LINGO2: variants seen among roughly 807,000 people sequenced by gnomAD.
The protein encoded by LINGO2 is leucine rich repeat and Ig domain containing 2.
LINGO2 carries 14 observed loss-of-function variants against 30.6 expected under a neutral mutation model. That is an observed-to-expected ratio of 0.46 (90% CI 0.30 to 0.72). The LOEUF (loss-of-function observed/expected upper bound fraction) is 0.72, where lower values mean the gene tolerates loss of function less well. LINGO2 is among the 30% of genes least tolerant of loss of function. LINGO2 has a pLI of 0.07. For missense variants in LINGO2, 729 were observed against 751.7 expected (o/e 0.97, Z 0.35); for synonymous variants, 317 against 288.5 (o/e 1.10, Z -1.00).
intron 1 of LINGO2, among the ~76,000 whole-genome samples, chr9:28,615,629 A>G (rs960117623): frequency 5.9e-5 from 9 of 152,210 alleles, no homozygotes; most frequent in African/African-American, 2.2e-4. Flanking sequence ...GATTTATAAA[A>G]TACATATGAA....
the LINGO2 span, among the ~76,000 whole-genome samples, chr9:28,765,506 T>C: frequency 2.0e-5 from 3 of 152,044 alleles, no homozygotes; most frequent in African/African-American, 4.8e-5. Flanking sequence ...ATGAATAGAT[T>C]AATGCCCTCC....
At chr9:28,008,375 G>A (rs1043305907) in intron 5 of LINGO2, among the ~76,000 whole-genome samples, 2 of 151,824 alleles carry the variant, frequency 1.3e-5, no homozygotes, top group African/African-American at 4.8e-5. Flanking sequence ...AACCAGAAAG[G>A]TACAGCTGTA....
the LINGO2 span, among the ~76,000 whole-genome samples, chr9:28,948,627 T>C: frequency 1.3e-5 from 2 of 152,076 alleles, no homozygotes; most frequent in Admixed American, 1.3e-4. Flanking sequence ...GAAATCACAT[T>C]TATTTGCCAG....
At chr9:28,043,302 T>G (rs557997401) in intron 4 of LINGO2, among the ~76,000 whole-genome samples, 1 of 152,350 alleles carries the variant, frequency 6.6e-6, no homozygotes, top group East Asian at 1.9e-4. Context: ...ACAGCCATTG[T>G]GTTCACTAGC....
chr9:29,209,456 A>G, the LINGO2 span, among the ~76,000 whole-genome samples: 1 of 152,172 alleles, frequency 6.6e-6, no homozygotes, highest in Non-Finnish European at 1.5e-5. Context: ...GTAACTGTAA[A>G]TTAGCATGGA....
At chr9:29,069,821 A>AT in the LINGO2 span, among the ~76,000 whole-genome samples, 5 of 152,076 alleles carry the variant, frequency 3.3e-5, no homozygotes, top group Non-Finnish European at 4.4e-5. Context: ...CAGTTATAAG[A>AT]TTTTTATTAT....
the LINGO2 span, among the ~76,000 whole-genome samples, chr9:28,878,393 G>C: frequency 6.6e-6 from 1 of 152,078 alleles, no homozygotes; most frequent in Non-Finnish European, 1.5e-5. Flanking sequence ...ATTCACAGCC[G>C]AATTCTACCA....
chr9:28,085,948 CAAGT>C (rs1233386135), intron 4 of LINGO2, among the ~76,000 whole-genome samples: 1 of 151,962 alleles, frequency 6.6e-6, no homozygotes, highest in Admixed American at 6.6e-5. Flanking sequence ...TTATGTGAAA[CAAGT>C]AAGGTTTCAC....
the LINGO2 span, among the ~76,000 whole-genome samples, chr9:29,087,348 A>G: frequency 1.3e-4 from 20 of 152,280 alleles, 1 homozygote; most frequent in South Asian, 3.9e-3. Context: ...AGTTCTTGAA[A>G]CCAGGACTGG....
rs988486384 is a variant in LINGO2 at position 28,369,415 on chromosome 9, G to C, written c.-246+3421C>G. The stretch of plus-strand genomic sequence containing the variant: ...AAGCTCACACCATGTTTAATTAAAA[G>C]TGACACCATTGCTATAACCACTACA... On this transcript the variant is annotated intron_variant, in intron 3 of 5. Coordinates refer to ENST00000379992, the Ensembl canonical transcript of LINGO2. Among the ~76,000 whole-genome samples, 8 of 152,258 alleles carry C rather than the reference G, an allele frequency of 5.3e-5. No individual in the cohort carries two copies. The South Asian group carries it at 1.7e-3, about 32-fold the overall frequency.
At chr9:29,123,285 G>A in the LINGO2 span, among the ~76,000 whole-genome samples, 82 of 151,858 alleles carry the variant, frequency 5.4e-4, no homozygotes, top group African/African-American at 1.8e-3. Context: ...AGTATTACCT[G>A]CTACTTTCTT....
intron 1 of LINGO2, among the ~76,000 whole-genome samples, chr9:28,627,638 T>G (rs1458596991): frequency 1.3e-5 from 2 of 152,130 alleles, no homozygotes; most frequent in Non-Finnish European, 2.9e-5. Flanking sequence ...TGTCATATAT[T>G]TTGACAAGTT....
At chr9:28,100,530 A>C (rs1035875740) in intron 4 of LINGO2, among the ~76,000 whole-genome samples, 14 of 152,210 alleles carry the variant, frequency 9.2e-5, no homozygotes, top group African/African-American at 3.4e-4. Context: ...TAAAGATATA[A>C]AATGTAGTCA....
At chr9:28,462,480 A>C (rs919323520) in intron 2 of LINGO2, among the ~76,000 whole-genome samples, 4 of 151,542 alleles carry the variant, frequency 2.6e-5, no homozygotes, top group African/African-American at 9.7e-5. Context: ...CTCACTTTTG[A>C]AAGGGATCAA....
At chr9:28,656,413 T>C (rs1828339424) in intron 1 of LINGO2, among the ~76,000 whole-genome samples, 1 of 152,066 alleles carries the variant, frequency 6.6e-6, no homozygotes, top group South Asian at 2.1e-4. Context: ...TTAAAATTAA[T>C]CGCCCTAGTA....
At chr9:28,925,866 G>C in the LINGO2 span, among the ~76,000 whole-genome samples, 2 of 152,174 alleles carry the variant, frequency 1.3e-5, no homozygotes, top group Admixed American at 6.5e-5. Context: ...TCACTTACAA[G>C]CAGTGAGTTT....
At chr9:29,091,204 A>C in the LINGO2 span, among the ~76,000 whole-genome samples, 7 of 152,064 alleles carry the variant, frequency 4.6e-5, no homozygotes, top group Admixed American at 4.6e-4. Context: ...TGTAAGGGAA[A>C]AGTAAAAGCA....
chr9:28,703,379 G>A, the LINGO2 span, among the ~76,000 whole-genome samples: 1 of 151,688 alleles, frequency 6.6e-6, no homozygotes, highest in African/African-American at 2.4e-5. Context: ...GGAATGAGGT[G>A]TTATTTAGAC....
the LINGO2 span, among the ~76,000 whole-genome samples, chr9:28,799,091 T>A: frequency 6.6e-6 from 1 of 151,984 alleles, no homozygotes; most frequent in African/African-American, 2.4e-5. Context: ...GAGAACAAAG[T>A]AATTGGCAGA....
Sources: gnomAD v4.1 joint callset for allele counts (sites outside exome capture counted in the v4.1 genomes callset) on GRCh38, gnomAD v4.1.1 for gene constraint, MANE v1.5 for transcripts, NCBI Gene and HGNC (gene_info 2026-07-23, HGNC 2026-07-21) for gene names.